CEP85L: variants seen among roughly 807,000 people sequenced by gnomAD.
CEP85L encodes centrosomal protein of 85 kDa-like.
Under a neutral mutation model 100.3 loss-of-function variants are expected in CEP85L, and 60 were observed. The ratio of observed to expected loss-of-function variants is 0.60; its 90% CI spans 0.49 to 0.74. The LOEUF is 0.74. Among genes scored for constraint, CEP85L ranks in the 30% least tolerant of loss-of-function variants. CEP85L has a pLI of 0.00. For synonymous variants in CEP85L, 319 were observed against 322.7 expected, an observed-to-expected ratio of 0.99 and a Z score of 0.12; for missense variants, 973 against 936.2, an observed-to-expected ratio of 1.04 and a Z score of -0.51.
At chr6:118,584,014 C>T (rs985525357) in intron 2 of CEP85L, among the ~76,000 whole-genome samples, 10 of 152,192 alleles carry the variant, frequency 6.6e-5, no homozygotes, top group African/African-American at 9.7e-5. Flanking sequence ...TCCAGCCAGA[C>T]GCCCAGTTAA....
At chr6:118,492,817 A>G (rs1774662584) in intron 5 of CEP85L, among the ~76,000 whole-genome samples, 1 of 152,194 alleles carries the variant, frequency 6.6e-6, no homozygotes, top group Non-Finnish European at 1.5e-5. Flanking sequence ...AAGTGCTAAG[A>G]TAGTTACATG....
rs537438549 is a variant in CEP85L at position 118,533,923 on chromosome 6, C to T, written c.1021-10003G>A. 3.5e-4 allele frequency among the ~76,000 whole-genome samples: 53 copies of T among 152,104 alleles called. No individual in the cohort carries two copies. The East Asian group carries it at 6.4e-3, about 18-fold the overall frequency. Reference sequence around the variant, plus strand: ...CAACCTGGCCAACATGGTGAAACCCCGTCTCTACTAAAAATTCAAAAATTA... The same window carrying T: ...CAACCTGGCCAACATGGTGAAACCCTGTCTCTACTAAAAATTCAAAAATTA... On this transcript the variant is annotated intron_variant, in intron 3 of 12. Transcript: ENST00000368491.
chr6:118,651,369 C>A lies in CEP85L; in HGVS notation c.-100G>T. 2 of 1,369,600 alleles carry A rather than the reference C, an allele frequency of 1.5e-6. No homozygotes were observed. Among genetic ancestry groups the A allele is most frequent in the Non-Finnish European group, 1.9e-6 (2 of 1,062,708 alleles). 84.8% of individuals were successfully genotyped at this position (1,369,600 alleles called of 1,614,324 possible). A position where few individuals can be genotyped will look rare whatever the true frequency, so the allele number is the denominator to read the frequency against. On this transcript the variant is annotated 5_prime_UTR_variant, in exon 1 of 13. Coordinates refer to ENST00000368491, the MANE Select transcript of CEP85L (RefSeq NM_001042475.3). ...AACTTGCGCGGAGCGTGGGCCTCGG[C>A]GACACGGGCAGGAGGAAAGGCGGGA...
At chr6:118,672,825 A>AG (rs1562352334) in intron 1 of CEP85L, among the ~76,000 whole-genome samples, 12 of 151,028 alleles carry the variant, frequency 7.9e-5, no homozygotes, top group Non-Finnish European at 8.9e-5. Flanking sequence ...AGGAGGAGGA[A>AG]GAGGAGGAGG....
At chr6:118,494,974 A>C (rs746314808) in intron 5 of CEP85L, among the ~76,000 whole-genome samples, 1 of 152,146 alleles carries the variant, frequency 6.6e-6, no homozygotes, top group Non-Finnish European at 1.5e-5. Context: ...TAAAAATTCT[A>C]GAAAAGAATA....
In CEP85L at chr6:118,697,649, G is replaced by A. The variant is rs143362513; in HGVS notation, c.-28+12387C>T. Among the ~76,000 whole-genome samples, 48 of 152,314 alleles carry A rather than the reference G, an allele frequency of 3.2e-4. 1 individual carries two copies. The East Asian group carries it at 9.1e-3, about 29-fold the overall frequency. On this transcript the variant is annotated intron_variant, in intron 1 of 13. Transcript: ENST00000368488. ...AATGGAGAACTATTCATGAAGTCAT[G>A]ATGGTTGGCAGAGAGGTGGCGGTGT...
intron 3 of CEP85L, among the ~76,000 whole-genome samples, chr6:118,530,955 G>C (rs942807558): frequency 6.6e-6 from 1 of 151,944 alleles, no homozygotes; most frequent in Non-Finnish European, 1.5e-5. Context: ...CAGATTCAAT[G>C]TTATTCCTAT....
chr6:118,645,798 T>G (rs930636202), intron 1 of CEP85L, among the ~76,000 whole-genome samples: 1 of 152,208 alleles, frequency 6.6e-6, no homozygotes, highest in African/African-American at 2.4e-5. Context: ...GCTTATACAA[T>G]GTCTAGCACA....
At position 118,481,835 on chromosome 6, in the gene CEP85L, C is replaced by A; in HGVS notation, c.1689G>T (p.Glu563Asp). ...EEIKKQCQDK[E>D]TQLICQKKKE... ...TCTTTTTCTGGCATATTAACTGTGT[C>A]TCTTTATCTTGACACTGCTTTTTGA... The change falls in exon 8 of 13, where the codon GAG becomes GAT. Residue 563 changes from glutamate (E) to aspartate (D), a missense_variant. Glu to Asp is a conservative substitution (Grantham distance 45, BLOSUM62 2). Transcript: ENST00000368491. The A allele has an allele frequency of 8.7e-6, 14 of 1,600,048 alleles. No individual in the cohort carries two copies. Among genetic ancestry groups the A allele is most frequent in the Non-Finnish European group, 1.0e-5 (12 of 1,172,604 alleles).
intron 1 of CEP85L, among the ~76,000 whole-genome samples, chr6:118,690,519 G>A (rs1777001780): frequency 6.6e-6 from 1 of 152,182 alleles, no homozygotes; most frequent in South Asian, 2.1e-4. Context: ...TCCACCATCA[G>A]TTCCAGGATT....
chr6:118,491,899 A>G (rs1774602692), intron 5 of CEP85L, 34 bp from the exon 6 acceptor site: 1 of 1,525,098 alleles, frequency 6.6e-7, no homozygotes, highest in East Asian at 2.3e-5. Flanking sequence ...GTAAGACTTT[A>G]AAAGTTTGTC....
intron 5 of CEP85L, among the ~76,000 whole-genome samples, chr6:118,507,613 A>G (rs1775733438): frequency 6.6e-6 from 1 of 152,034 alleles, no homozygotes; most frequent in South Asian, 2.1e-4. Flanking sequence ...ATCTACCACT[A>G]CCTTTCTCTC....
In CEP85L at chr6:118,651,495, G is replaced by C; in HGVS notation, c.-226C>G. 1 of 1,274,334 alleles carries C rather than the reference G, an allele frequency of 7.8e-7. No homozygotes were observed. Among genetic ancestry groups the C allele is most frequent in the Non-Finnish European group, 9.9e-7 (1 of 1,011,478 alleles). 78.9% of individuals were successfully genotyped at this position (1,274,334 alleles called of 1,614,324 possible). On this transcript the variant is annotated 5_prime_UTR_variant, in exon 1 of 13. Coordinates refer to ENST00000368491, the MANE Select transcript of CEP85L (RefSeq NM_001042475.3). ...GGCCAAGCCGGCTGGGCTGAGGCCC[G>C]CGCCGGGGAAGCGGCGACTCGGCGG... is the stretch of plus-strand genomic sequence containing the variant.
At chr6:118,683,787 T>G (rs1190190268) in intron 1 of CEP85L, among the ~76,000 whole-genome samples, 1 of 152,228 alleles carries the variant, frequency 6.6e-6, no homozygotes, top group Non-Finnish European at 1.5e-5. Context: ...ACTCAGCTGC[T>G]TCTTGCAAAC....
intron 3 of CEP85L, chr6:118,537,642 T>G: frequency 1.0e-6 from 1 of 985,378 alleles, no homozygotes; most frequent in South Asian, 4.7e-5. Context: ...GTTGCCAAAA[T>G]ATGTCACTTA....
chr6:118,511,645 G>A (rs1775977907), intron 4 of CEP85L, among the ~76,000 whole-genome samples: 1 of 152,158 alleles, frequency 6.6e-6, no homozygotes, highest in Non-Finnish European at 1.5e-5. Flanking sequence ...GATGCTAAGA[G>A]CTTTGTATGC....
At chr6:118,620,632 T>C (rs1773375091) in intron 2 of CEP85L, among the ~76,000 whole-genome samples, 1 of 152,186 alleles carries the variant, frequency 6.6e-6, no homozygotes, top group South Asian at 2.1e-4. Flanking sequence ...TGAGGGTGCC[T>C]GGGGCAAGCG....
intron 1 of CEP85L, among the ~76,000 whole-genome samples, chr6:118,692,153 A>G (rs180747536): frequency 6.6e-6 from 1 of 152,264 alleles, no homozygotes; most frequent in Admixed American, 6.5e-5. Flanking sequence ...GAGAATATGT[A>G]CTTGCAGAAA....
At chr6:118,643,683 G>A (rs1268321919) in intron 1 of CEP85L, among the ~76,000 whole-genome samples, 5 of 151,718 alleles carry the variant, frequency 3.3e-5, no homozygotes, top group African/African-American at 1.2e-4. Flanking sequence ...TACAGCAGGA[G>A]AAAAAAAACA....
Sources: gnomAD v4.1 joint callset for allele counts (sites outside exome capture counted in the v4.1 genomes callset) on GRCh38, gnomAD v4.1.1 for gene constraint, MANE v1.5 for transcripts, NCBI Gene and HGNC (gene_info 2026-07-23, HGNC 2026-07-21) for gene names.